NRXN1: variants seen among roughly 807,000 people sequenced by gnomAD.
NRXN1 encodes the protein neurexin-1.
Under a neutral mutation model 150.9 loss-of-function variants are expected in NRXN1, and 39 were observed. The ratio of observed to expected loss-of-function variants is 0.26; its 90% CI spans 0.20 to 0.34. NRXN1 has a LOEUF of 0.34. Ranked by LOEUF, NRXN1 falls within the 10% of genes least tolerant of loss-of-function variation. The pLI, the probability that NRXN1 is intolerant of heterozygous loss-of-function variation, is 1.00. For missense variants in NRXN1, 1,815 were observed against 1,949.9 expected, an observed-to-expected ratio of 0.93 and a Z score of 1.30; for synonymous variants, 924 against 757.0, an observed-to-expected ratio of 1.22 and a Z score of -3.62.
chr2:50,161,499 C>T (rs563927048), intron 18 of NRXN1, among the ~76,000 whole-genome samples: 2 of 152,248 alleles, frequency 1.3e-5, no homozygotes, highest in East Asian at 3.9e-4. Context: ...GGGTAAGGGG[C>T]ATCCTTACTC....
intron 17 of NRXN1, among the ~76,000 whole-genome samples, chr2:50,429,813 G>C (rs1558717519): frequency 6.6e-6 from 1 of 152,094 alleles, no homozygotes; most frequent in African/African-American, 2.4e-5. Context: ...TCTATTGTGG[G>C]CATAATGGAA....
At chr2:50,233,502 C>G (rs926218371) in intron 18 of NRXN1, among the ~76,000 whole-genome samples, 2 of 151,888 alleles carry the variant, frequency 1.3e-5, no homozygotes, top group Non-Finnish European at 2.9e-5. Context: ...TTTAAATTAT[C>G]TAATTTAAAT....
At chr2:50,252,126 G>C (rs1331278700) in intron 17 of NRXN1, among the ~76,000 whole-genome samples, 1 of 146,890 alleles carries the variant, frequency 6.8e-6, no homozygotes, top group Non-Finnish European at 1.5e-5. Context: ...TGTCCTGAAT[G>C]GTATTGCTTA....
intron 17 of NRXN1, among the ~76,000 whole-genome samples, chr2:50,395,861 G>A (rs1440210075): frequency 1.3e-5 from 2 of 152,094 alleles, no homozygotes; most frequent in African/African-American, 4.8e-5. Context: ...GTCATTTTTA[G>A]TGTAGAACTC....
chr2:50,978,283 T>C (rs1206152735), intron 2 of NRXN1, among the ~76,000 whole-genome samples: 4 of 106,946 alleles, frequency 3.7e-5, no homozygotes, highest in Admixed American at 1.1e-4. Context: ...TATATATATA[T>C]ATATATATAT....
chr2:50,094,177 C>T (rs1242450984), intron 18 of NRXN1, among the ~76,000 whole-genome samples: 1 of 152,132 alleles, frequency 6.6e-6, no homozygotes, highest in African/African-American at 2.4e-5. Flanking sequence ...GAGATGTTAA[C>T]ATGATAACAT....
At chr2:50,133,872 G>C (rs966490536) in intron 18 of NRXN1, among the ~76,000 whole-genome samples, 2 of 152,110 alleles carry the variant, frequency 1.3e-5, no homozygotes, top group Non-Finnish European at 1.5e-5. Context: ...ACATTTATTT[G>C]CTTGTGTCTA....
chr2:50,316,789 T>A (rs912106595), intron 17 of NRXN1, among the ~76,000 whole-genome samples: 1 of 151,968 alleles, frequency 6.6e-6, no homozygotes, highest in South Asian at 2.1e-4. Flanking sequence ...TAGGAGGGGA[T>A]GGTGGTACTA....
At chr2:49,982,771 T>C (rs982180597) in intron 21 of NRXN1, among the ~76,000 whole-genome samples, 11 of 152,182 alleles carry the variant, frequency 7.2e-5, no homozygotes, top group African/African-American at 2.4e-4. Context: ...ATTTCTATTC[T>C]GCATTTCTGC....
intron 5 of NRXN1, among the ~76,000 whole-genome samples, chr2:50,695,561 G>C (rs1421029295): frequency 6.6e-6 from 1 of 152,152 alleles, no homozygotes; most frequent in Non-Finnish European, 1.5e-5. Flanking sequence ...TTGACAAAGA[G>C]ATTAGACTAA....
At chr2:50,148,732 CAA>C (rs1319204630) in intron 18 of NRXN1, among the ~76,000 whole-genome samples, 2 of 151,720 alleles carry the variant, frequency 1.3e-5, no homozygotes, top group African/African-American at 4.8e-5. Flanking sequence ...TAGAAACACA[CAA>C]AGTTTAATCA....
At chr2:49,963,915 C>T (rs1251720499) in intron 21 of NRXN1, among the ~76,000 whole-genome samples, 1 of 152,010 alleles carries the variant, frequency 6.6e-6, no homozygotes, top group Non-Finnish European at 1.5e-5. Flanking sequence ...GTCATATGTC[C>T]CAGAGCTGCT....
At chr2:50,737,516 G>C (rs1698914174) in intron 5 of NRXN1, among the ~76,000 whole-genome samples, 1 of 152,094 alleles carries the variant, frequency 6.6e-6, no homozygotes, top group Admixed American at 6.5e-5. Flanking sequence ...GATAGAGCTG[G>C]GATGTGAACC....
chr2:50,306,964 T>A (rs2074676605), intron 17 of NRXN1, among the ~76,000 whole-genome samples: 1 of 152,112 alleles, frequency 6.6e-6, no homozygotes, highest in African/African-American at 2.4e-5. Context: ...TCTGCCCTAA[T>A]ATGAGCATTT....
chr2:50,594,472 G>A (rs555622199), intron 8 of NRXN1, among the ~76,000 whole-genome samples: 1 of 152,264 alleles, frequency 6.6e-6, no homozygotes, highest in African/African-American at 2.4e-5. Context: ...CATAGAGGAA[G>A]TCATTTGCTC....
At chr2:50,580,957 C>T (rs1157066321) in intron 8 of NRXN1, among the ~76,000 whole-genome samples, 6 of 151,992 alleles carry the variant, frequency 3.9e-5, no homozygotes, top group African/African-American at 1.2e-4. Context: ...TTACCTTAAT[C>T]GAAGGTAATA....
At chr2:50,187,197 C>A (rs928496327) in intron 18 of NRXN1, among the ~76,000 whole-genome samples, 1 of 151,986 alleles carries the variant, frequency 6.6e-6, no homozygotes, top group African/African-American at 2.4e-5. Context: ...CAAATTATTG[C>A]GATCATGAAT....
chr2:50,238,450 T>C (rs1426314250), intron 17 of NRXN1, among the ~76,000 whole-genome samples: 1 of 152,022 alleles, frequency 6.6e-6, no homozygotes, highest in Non-Finnish European at 1.5e-5. Context: ...TATGATTTGA[T>C]CATATATACA....
intron 18 of NRXN1, among the ~76,000 whole-genome samples, chr2:50,125,683 C>T (rs1704482760): frequency 6.6e-6 from 1 of 151,950 alleles, no homozygotes; most frequent in Non-Finnish European, 1.5e-5. Context: ...CATTTGTATG[C>T]TGATCTTGGG....
Sources: allele counts gnomAD v4.1 joint callset (sites outside exome capture counted in the v4.1 genomes callset), GRCh38; gene constraint gnomAD v4.1.1; transcripts MANE v1.5; gene names NCBI Gene and HGNC (gene_info 2026-07-23, HGNC 2026-07-21).